SLC38A6: variants seen among roughly 807,000 people sequenced by gnomAD.
SLC38A6 encodes the protein solute carrier family 38 member 6.
Under a neutral mutation model 65.0 loss-of-function variants are expected in SLC38A6, and 73 were observed. The observed-to-expected ratio is 1.12, with a 90% CI of 0.93 to 1.37. The LOEUF is 1.37. Among genes scored for constraint, SLC38A6 ranks in the 40% most tolerant of loss-of-function variants. The probability of loss-of-function intolerance (pLI) is 0.00; values close to 1 mark genes in which losing one functional copy is unlikely to be tolerated. For synonymous variants in SLC38A6, 183 were observed against 178.8 expected (o/e 1.02, Z -0.19); for missense variants, 561 against 531.1 (o/e 1.06, Z -0.55).
chr14:61,036,960 C>CTGTGTGTGTGTA lies in SLC38A6; in HGVS notation c.483-88_483-87insATGTGTGTGTGT, dbSNP rs71449544. 2.3e-5 allele frequency: 10 copies of CTGTGTGTGTGTA among 438,366 alleles called. No individual in the cohort carries two copies. The African/African-American group carries it at 2.3e-4, about 10-fold the overall frequency. The allele number at this position is 438,366 out of a possible 1,614,324, so 27.2% of individuals were successfully genotyped here. A position where few individuals can be genotyped will look rare whatever the true frequency, so the allele number is the denominator to read the frequency against. ...ATAGCTGGTTGTAATGGTTATAACT[C>CTGTGTGTGTGTA]TGTGTGTGTGTGTGTGTGTGTGTGT... On this transcript the variant is annotated intron_variant, in intron 6 of 15. Transcript: ENST00000267488.
Position 60,983,540 on chromosome 14 carries a change from A to G in SLC38A6, c.236+902A>G, listed in dbSNP as rs533981403. 5.3e-5 allele frequency among the ~76,000 whole-genome samples: 8 copies of G among 152,344 alleles called. No homozygotes were observed. The East Asian group carries it at 1.5e-3, about 29-fold the overall frequency. On this transcript the variant is annotated intron_variant, in intron 2 of 15. Transcript: ENST00000267488. ...CCTTATTCTTAGCATCTAGCACCAC[A>G]TGGCTAATAGAATGAATTAACAAAT...
intron 3 of SLC38A6, among the ~76,000 whole-genome samples, chr14:61,000,618 G>A (rs2038641876): frequency 6.6e-6 from 1 of 152,090 alleles, no homozygotes; most frequent in Non-Finnish European, 1.5e-5. Flanking sequence ...GGCGACAAGA[G>A]TGAAACTCCA....
chr14:60,998,734 G>T (rs184009286), intron 3 of SLC38A6, among the ~76,000 whole-genome samples: 24 of 152,340 alleles, frequency 1.6e-4, no homozygotes, highest in Admixed American at 1.4e-3. Context: ...AGATGCTGCT[G>T]TGGGGCTGGA....
intron 5 of SLC38A6, among the ~76,000 whole-genome samples, chr14:61,022,496 A>T (rs1182975256): frequency 1.5e-5 from 2 of 136,900 alleles, no homozygotes. Flanking sequence ...GTTTTATTAT[A>T]ATAAATAAGT....
rs138573274 is a variant in SLC38A6, at chr14:61,049,537, C to T, written c.926-975C>T. Among the ~76,000 whole-genome samples, 31 of 152,288 alleles carry T rather than the reference C, an allele frequency of 2.0e-4. No individual in the cohort carries two copies. In the East Asian group the frequency reaches 4.8e-3, roughly 24 times the overall value. On this transcript the variant is annotated intron_variant, in intron 12 of 15. Coordinates refer to ENST00000267488, the MANE Select transcript of SLC38A6 (RefSeq NM_153811.3). ...TTGCTAGTTACTGGTGGGGTTTGAACATGTTCTATGTCATCACAGTTTAGA... is the reference window on the plus strand; with the variant it reads ...TTGCTAGTTACTGGTGGGGTTTGAATATGTTCTATGTCATCACAGTTTAGA...
At chr14:61,029,395 ACCGC>A (rs2040810101) in intron 5 of SLC38A6, among the ~76,000 whole-genome samples, 1 of 151,922 alleles carries the variant, frequency 6.6e-6, no homozygotes, top group Non-Finnish European at 1.5e-5. Context: ...GACCTCGTCA[ACCGC>A]CCGCCTTGGC....
chr14:61,043,780 G>A (rs1041945453), intron 10 of SLC38A6, among the ~76,000 whole-genome samples: 2 of 145,624 alleles, frequency 1.4e-5, no homozygotes, highest in Admixed American at 7.1e-5. Flanking sequence ...CAGATTTACC[G>A]AATGTCTGGT....
intron 5 of SLC38A6, among the ~76,000 whole-genome samples, chr14:61,023,764 G>A (rs948131624): frequency 6.6e-6 from 1 of 151,708 alleles, no homozygotes; most frequent in Non-Finnish European, 1.5e-5. Flanking sequence ...AATTGAAATG[G>A]AAGGCCTTTA....
At position 60,984,475 on chromosome 14, in the gene SLC38A6, G is replaced by A. The variant is rs190471523; in HGVS notation, c.237-255G>A. Among the ~76,000 whole-genome samples the A allele has an allele frequency of 7.2e-3, 1,084 of 150,872 alleles. 7 individuals are homozygous for A. The highest frequency in any genetic ancestry group is 0.02 in the Middle Eastern group (6 of 294). ...GCAGACAAGACTGCAAAATGAGGAA[G>A]TTTGCTTGTATTTTTAAAAAAGTTT... is the stretch of plus-strand genomic sequence containing the variant. On this transcript the variant is annotated intron_variant, in intron 2 of 15. Transcript: ENST00000267488.
At position 61,048,188 on chromosome 14, in the gene SLC38A6, G is replaced by T. The variant is rs117856158; in HGVS notation, c.925+2021G>T. ...TTTGTGTCATAGGAAGAAATTGCTG[G>T]TTGAACCTGAGATCTTATAAGGGCT... On this transcript the variant is annotated intron_variant, in intron 12 of 15. Transcript: ENST00000267488. 1.3e-4 allele frequency: 58 copies of T among 451,968 alleles called. No homozygotes were observed. In the East Asian group the frequency reaches 3.9e-3, roughly 30 times the overall value. 28.0% of individuals were successfully genotyped at this position (451,968 alleles called of 1,614,324 possible).
chr14:61,047,737 A>T (rs961129991), intron 12 of SLC38A6, among the ~76,000 whole-genome samples: 9 of 152,108 alleles, frequency 5.9e-5, no homozygotes, highest in African/African-American at 1.4e-4. Context: ...CATCATGTAG[A>T]TGGCATGTTT....
intron 3 of SLC38A6, among the ~76,000 whole-genome samples, chr14:61,005,771 AG>A (rs1281802722): frequency 6.6e-6 from 1 of 152,242 alleles, no homozygotes; most frequent in Non-Finnish European, 1.5e-5. Context: ...GGTAATTTAT[AG>A]ATTCAATGCC....
intron 4 of SLC38A6, among the ~76,000 whole-genome samples, chr14:61,017,526 G>T (rs1035284575): frequency 6.6e-6 from 1 of 152,240 alleles, no homozygotes; most frequent in Non-Finnish European, 1.5e-5. Context: ...TGTAGCCAGG[G>T]ATCAGTTTCC....
intron 5 of SLC38A6, 136 bp from the exon 6 acceptor site, chr14:61,030,309 T>G: frequency 1.3e-5 from 7 of 550,004 alleles, no homozygotes; most frequent in Admixed American, 3.4e-5. Context: ...GTATGTATCT[T>G]TGGTATAGTG....
chr14:61,023,155 A>T (rs1317924587), intron 5 of SLC38A6, among the ~76,000 whole-genome samples: 1 of 152,204 alleles, frequency 6.6e-6, no homozygotes, highest in Non-Finnish European at 1.5e-5. Flanking sequence ...TATACTATGT[A>T]AGTGATAAAA....
chr14:61,082,786 T>C (rs1464409522), intron 16 of SLC38A6, among the ~76,000 whole-genome samples: 1 of 152,168 alleles, frequency 6.6e-6, no homozygotes, highest in African/African-American at 2.4e-5. Context: ...TCCATGCAGC[T>C]GCCTCTGCCT....
At position 61,022,759 on chromosome 14, in the gene SLC38A6, A is replaced by T. The variant is rs559380565; in HGVS notation, c.403+3179A>T. Among the ~76,000 whole-genome samples, 4 of 152,202 alleles carry T rather than the reference A, an allele frequency of 2.6e-5. No homozygotes were observed. In the South Asian group the frequency reaches 8.3e-4, roughly 32 times the overall value. On this transcript the variant is annotated intron_variant, in intron 5 of 15. Transcript: ENST00000267488. Reference sequence around the variant, plus strand: ...ACTGAAAAATAATGTAATAGATTCTATTTAGGTCAAGCACTCTACTAGATA... The same window carrying T: ...ACTGAAAAATAATGTAATAGATTCTTTTTAGGTCAAGCACTCTACTAGATA...
chr14:60,997,753 A>C (rs1397690509), intron 3 of SLC38A6, among the ~76,000 whole-genome samples: 4 of 152,222 alleles, frequency 2.6e-5, no homozygotes, highest in African/African-American at 9.6e-5. Flanking sequence ...CTGATATCTG[A>C]GTAAATGTGG....
intron 3 of SLC38A6, among the ~76,000 whole-genome samples, chr14:60,991,091 C>G (rs1039453169): frequency 6.6e-6 from 1 of 152,226 alleles, no homozygotes; most frequent in African/African-American, 2.4e-5. Context: ...TACTTCCACT[C>G]TTACTTCCTG....
Sources: allele counts gnomAD v4.1 joint callset (sites outside exome capture counted in the v4.1 genomes callset), GRCh38; gene constraint gnomAD v4.1.1; transcripts MANE v1.5; gene names NCBI Gene and HGNC (gene_info 2026-07-23, HGNC 2026-07-21).